FNIP1: variants seen among roughly 807,000 people sequenced by gnomAD.
FNIP1 encodes the protein folliculin interacting protein 1, also known as folliculin-interacting protein 1.
In FNIP1, 40 loss-of-function variants were observed where a neutral mutation model predicts 124.5. The ratio of observed to expected loss-of-function variants is 0.32; its 90% CI spans 0.25 to 0.42. The LOEUF (loss-of-function observed/expected upper bound fraction) is 0.42, where lower values mean the gene tolerates loss of function less well. Among genes scored for constraint, FNIP1 ranks in the 10% least tolerant of loss-of-function variants. The pLI, the probability that FNIP1 is intolerant of heterozygous loss-of-function variation, is 1.00. For missense variants in FNIP1, 1,176 were observed against 1,403.7 expected (o/e 0.84, Z 2.59); for synonymous variants, 472 against 470.6 (o/e 1.00, Z -0.04).
At chr5:131,796,102 C>T (rs989407152) in intron 1 of FNIP1, 2 of 152,210 alleles carry the variant, frequency 1.3e-5, no homozygotes, top group Non-Finnish European at 2.9e-5. Flanking sequence ...GCTCTACTAA[C>T]ATTTTCAATT....
intron 3 of FNIP1, among the ~76,000 whole-genome samples, chr5:131,727,540 C>A (rs1004415746): frequency 6.6e-6 from 1 of 151,972 alleles, no homozygotes; most frequent in African/African-American, 2.4e-5. Flanking sequence ...GTAAATATTC[C>A]TCTATCCTTT....
Position 131,651,729 on chromosome 5 carries a change from T to C in FNIP1, c.3306+73A>G. The C allele has an allele frequency of 4.1e-6, 6 of 1,459,704 alleles. No individual in the cohort carries two copies. The South Asian group carries it at 7.6e-5, about 18-fold the overall frequency. The allele number at this position is 1,459,704 out of a possible 1,614,324, so 90.4% of individuals were successfully genotyped here. On this transcript the variant is annotated intron_variant, in intron 16 of 17. Transcript: ENST00000510461. ...ACAAACATTCAGTCCCTAACAGCTTTTTTTCAGAAAAAACAATGATGAAAG... is the reference window on the plus strand; with the variant it reads ...ACAAACATTCAGTCCCTAACAGCTTCTTTTCAGAAAAAACAATGATGAAAG...
At chr5:131,784,318 A>C (rs1016689052) in intron 1 of FNIP1, among the ~76,000 whole-genome samples, 19 of 152,352 alleles carry the variant, frequency 1.2e-4, no homozygotes, top group Admixed American at 2.6e-4. Context: ...TTCAAAAGGA[A>C]AGAAAACATA....
At chr5:131,648,192 AAAG>A (rs1334250009) in intron 16 of FNIP1, among the ~76,000 whole-genome samples, 2 of 150,616 alleles carry the variant, frequency 1.3e-5, no homozygotes, top group East Asian at 3.9e-4. Context: ...AAAAAAAAAA[AAAG>A]AATTAGCCGA....
At chr5:131,674,590 C>T (rs1480150352) in intron 13 of FNIP1, among the ~76,000 whole-genome samples, 2 of 152,016 alleles carry the variant, frequency 1.3e-5, no homozygotes, top group Non-Finnish European at 1.5e-5. Flanking sequence ...TGGTGGCGCG[C>T]ACCTGTAATC....
intron 15 of FNIP1, among the ~76,000 whole-genome samples, chr5:131,667,171 ATAC>A (rs1184363799): frequency 6.6e-6 from 1 of 152,220 alleles, no homozygotes; most frequent in East Asian, 1.9e-4. Context: ...GTTATGTTTT[ATAC>A]TACATTTATT....
At chr5:131,697,968 C>CAAAAAAAAAAAAAAAAAAAAAAAAA (rs753487190) in intron 11 of FNIP1, among the ~76,000 whole-genome samples, 1 of 58,768 alleles carries the variant, frequency 1.7e-5, no homozygotes, top group African/African-American at 4.4e-5. Flanking sequence ...GACTCCACCT[C>CAAAAAAAAAAAAAAAAAAAAAAAAA]AAAAAAAAAA....
At chr5:131,660,493 G>A (rs1270780620) in intron 15 of FNIP1, among the ~76,000 whole-genome samples, 1 of 152,012 alleles carries the variant, frequency 6.6e-6, no homozygotes, top group Non-Finnish European at 1.5e-5. Flanking sequence ...GCCCCAGTAG[G>A]ATAGCTTCAA....
intron 16 of FNIP1, among the ~76,000 whole-genome samples, chr5:131,648,173 T>TAAAAAAAAAAAA (rs577945348): frequency 3.5e-5 from 4 of 113,322 alleles, no homozygotes; most frequent in African/African-American, 3.6e-5. Context: ...CTACAAAAAT[T>TAAAAAAAAAAAA]AAAAAAAAAA....
At chr5:131,657,162 C>T (rs1767220544) in intron 15 of FNIP1, among the ~76,000 whole-genome samples, 1 of 152,068 alleles carries the variant, frequency 6.6e-6, no homozygotes, top group South Asian at 2.1e-4. Context: ...TGCCACCATG[C>T]CTGGCTCATT....
chr5:131,648,068 A>G (rs1415316199), intron 16 of FNIP1, among the ~76,000 whole-genome samples: 1 of 151,146 alleles, frequency 6.6e-6, no homozygotes, highest in Admixed American at 6.6e-5. Flanking sequence ...GGTGGCTCAT[A>G]CTTGTAATCG....
At chr5:131,730,573 T>C (rs1770048115) in intron 3 of FNIP1, among the ~76,000 whole-genome samples, 1 of 152,230 alleles carries the variant, frequency 6.6e-6, no homozygotes, top group African/African-American at 2.4e-5. Context: ...ATACTTTAAT[T>C]TCATACAACT....
At chr5:131,766,897 G>C (rs759127262) in intron 1 of FNIP1, among the ~76,000 whole-genome samples, 3 of 152,016 alleles carry the variant, frequency 2.0e-5, no homozygotes, top group Non-Finnish European at 2.9e-5. Context: ...GTTCTGTCTA[G>C]GCCCCCAGCC....
At chr5:131,700,840 G>A (rs544290975) in intron 10 of FNIP1, among the ~76,000 whole-genome samples, 1 of 152,094 alleles carries the variant, frequency 6.6e-6, no homozygotes, top group East Asian at 1.9e-4. Flanking sequence ...CTATCATTAA[G>A]TAACTACTAT....
At chr5:131,715,637 G>T (rs575573915) in intron 6 of FNIP1, among the ~76,000 whole-genome samples, 12 of 151,930 alleles carry the variant, frequency 7.9e-5, no homozygotes, top group African/African-American at 2.9e-4. Context: ...GTAATCAAAC[G>T]AGTTAAGAAA....
At chr5:131,733,851 G>T (rs1400226258) in intron 2 of FNIP1, among the ~76,000 whole-genome samples, 1 of 152,212 alleles carries the variant, frequency 6.6e-6, no homozygotes, top group African/African-American at 2.4e-5. Context: ...CATAAAATGA[G>T]TTAGGGAGGA....
chr5:131,673,043 GTTTT>G (rs1308882388), intron 13 of FNIP1, 119 bp from the exon 14 acceptor site: 7 of 611,252 alleles, frequency 1.1e-5, no homozygotes, highest in African/African-American at 3.9e-5. Flanking sequence ...GGTTTTACTC[GTTTT>G]TTTGTTTTTT....
rs1177681723 is a variant in FNIP1 at position 131,671,978 on chromosome 5, G to A, written c.2466C>T (p.Pro822=). 1 of 1,614,170 alleles carries A rather than the reference G, an allele frequency of 6.2e-7. No homozygotes were observed. The highest frequency in any genetic ancestry group is 8.5e-7 in the Non-Finnish European group (1 of 1,180,010). Residue 822 remains proline (P), a synonymous_variant, in exon 14 of 18, where the codon CCC becomes CCT. Transcript: ENST00000510461. ...NMVSEEPCEL[P]CWNHSDPESM... ...TTTCTGGGTCTGAATGATTCCAACAGGGAAGTTCACAGGGCTCTTCAGAAA... is the reference window on the plus strand; with the variant it reads ...TTTCTGGGTCTGAATGATTCCAACAAGGAAGTTCACAGGGCTCTTCAGAAA...
rs1327465366 is a variant in FNIP1 at position 131,704,208 on chromosome 5, C to T, written c.973G>A (p.Val325Met). 2.5e-6 allele frequency: 4 copies of T among 1,613,750 alleles called. No homozygotes were observed. The highest frequency in any genetic ancestry group is 1.7e-4 in the Middle Eastern group (1 of 6,056). Residue 325 changes from valine to methionine, a missense_variant, in exon 10 of 18, where the codon GTG (valine) becomes ATG (methionine). By Grantham distance (21) the Val-to-Met change is conservative (BLOSUM62 1). Coordinates refer to ENST00000510461, the MANE Select transcript of FNIP1 (RefSeq NM_133372.3). ...CCAATTGCAATCTTCTTTTTCCGCA[C>T]AATTCCTGGGTTAGGGCCACAGCTT... is the stretch of plus-strand genomic sequence containing the variant. ...DESCGPNPGI[V>M]RKKKIAIGVI...
Sources: gnomAD v4.1 joint callset for allele counts (sites outside exome capture counted in the v4.1 genomes callset) on GRCh38, gnomAD v4.1.1 for gene constraint, MANE v1.5 for transcripts, NCBI Gene and HGNC (gene_info 2026-07-23, HGNC 2026-07-21) for gene names.